Variants in SLC44A5 observed in about 807,000 individuals in gnomAD.
SLC44A5 encodes choline transporter-like protein 5.
A neutral mutation model predicts 101.8 loss-of-function variants in SLC44A5; 57 were observed. That is an observed-to-expected ratio of 0.56 (90% CI 0.45 to 0.70). The LOEUF (loss-of-function observed/expected upper bound fraction) is 0.70. Among genes scored for constraint, SLC44A5 ranks in the 30% least tolerant of loss-of-function variants. The pLI, the probability that SLC44A5 is intolerant of heterozygous loss-of-function variation, is 0.00. For synonymous variants in SLC44A5, 281 were observed against 290.9 expected (o/e 0.97, Z 0.35); for missense variants, 737 against 853.1 (o/e 0.86, Z 1.70).
At chr1:75,293,800 T>A (rs1653755529) in intron 5 of SLC44A5, among the ~76,000 whole-genome samples, 1 of 152,154 alleles carries the variant, frequency 6.6e-6, no homozygotes, top group African/African-American at 2.4e-5. Context: ...CTTAAAATCA[T>A]CTACCATGAA....
At chr1:75,216,312 G>A (rs1456318444) in intron 18 of SLC44A5, among the ~76,000 whole-genome samples, 1 of 151,936 alleles carries the variant, frequency 6.6e-6, no homozygotes, top group African/African-American at 2.4e-5. Flanking sequence ...ATATTTGATT[G>A]TGTGTACATA....
At chr1:75,695,364 G>A in the SLC44A5 span, among the ~76,000 whole-genome samples, 1 of 152,276 alleles carries the variant, frequency 6.6e-6, no homozygotes, top group East Asian at 1.9e-4. Flanking sequence ...ACGCCAAGTA[G>A]ACTTTTATTT....
intron 1 of SLC44A5, among the ~76,000 whole-genome samples, chr1:75,594,419 C>A (rs1424454536): frequency 6.6e-6 from 1 of 151,922 alleles, no homozygotes; most frequent in Non-Finnish European, 1.5e-5. Context: ...GATTGAATTA[C>A]CCCATTTTGT....
chr1:75,496,816 GC>G lies in SLC44A5; in HGVS notation c.13+44618del, dbSNP rs1668701209. Among the ~76,000 whole-genome samples the G allele has an allele frequency of 2.0e-5, 3 of 151,866 alleles. No homozygotes were observed. The South Asian group carries it at 6.2e-4, about 31-fold the overall frequency. ...ACAAATAGCCCAATTAAAAATATGG[GC>G]AAAGGACTTAAATAAAAATTTTTCC... is the stretch of plus-strand genomic sequence containing the variant. On this transcript the variant is annotated intron_variant, in intron 2 of 23. Transcript: ENST00000370859.
At chr1:75,578,098 C>A (rs551194470) in intron 1 of SLC44A5, among the ~76,000 whole-genome samples, 1 of 152,068 alleles carries the variant, frequency 6.6e-6, no homozygotes. Context: ...TTTTTAATAG[C>A]TTTTAAATAA....
At chr1:75,672,434 C>A in the SLC44A5 span, among the ~76,000 whole-genome samples, 1 of 152,044 alleles carries the variant, frequency 6.6e-6, no homozygotes, top group African/African-American at 2.4e-5. Context: ...AATTATCCAT[C>A]CCAACAGCAA....
chr1:75,250,444 A>G (rs1287312986), intron 7 of SLC44A5, among the ~76,000 whole-genome samples: 1 of 152,176 alleles, frequency 6.6e-6, no homozygotes, highest in Non-Finnish European at 1.5e-5. Context: ...GCTATTGTGA[A>G]TAGTGCTGCA....
At chr1:75,322,768 A>G (rs1355029476) in intron 4 of SLC44A5, among the ~76,000 whole-genome samples, 1 of 152,176 alleles carries the variant, frequency 6.6e-6, no homozygotes, top group African/African-American at 2.4e-5. Context: ...GTACTTGAAA[A>G]TGATTTTGGA....
chr1:75,691,191 G>A, the SLC44A5 span, among the ~76,000 whole-genome samples: 2 of 152,196 alleles, frequency 1.3e-5, no homozygotes, highest in East Asian at 3.9e-4. Context: ...CAGGGTCAAG[G>A]TCCCACCAGC....
chr1:75,385,827 G>A (rs1044672979), intron 3 of SLC44A5, among the ~76,000 whole-genome samples: 16 of 151,790 alleles, frequency 1.1e-4, no homozygotes, highest in Admixed American at 5.9e-4. Context: ...CTGGCAAAAC[G>A]AATCCAGCAG....
At chr1:75,385,747 C>T (rs1189629063) in intron 3 of SLC44A5, among the ~76,000 whole-genome samples, 1 of 152,086 alleles carries the variant, frequency 6.6e-6, no homozygotes, top group African/African-American at 2.4e-5. Flanking sequence ...CGGGCAGAGA[C>T]ACCACCAAAA....
chr1:75,266,629 G>C (rs1016578697), intron 6 of SLC44A5, among the ~76,000 whole-genome samples: 2 of 152,192 alleles, frequency 1.3e-5, no homozygotes, highest in African/African-American at 2.4e-5. Context: ...CAGTGTTGTT[G>C]AGGACCTGAT....
intron 2 of SLC44A5, among the ~76,000 whole-genome samples, chr1:75,454,840 T>C (rs1043333402): frequency 2.6e-5 from 4 of 151,918 alleles, no homozygotes; most frequent in Non-Finnish European, 5.9e-5. Context: ...TGGTTAAAGA[T>C]CTCTACAAGG....
chr1:75,521,893 T>C (rs1670149812), intron 2 of SLC44A5: 1 of 152,994 alleles, frequency 6.5e-6, no homozygotes, highest in Non-Finnish European at 1.5e-5. Flanking sequence ...AGTGTACAAG[T>C]CATCAGGGGC....
At chr1:75,680,073 A>G in the SLC44A5 span, among the ~76,000 whole-genome samples, 2 of 152,254 alleles carry the variant, frequency 1.3e-5, no homozygotes, top group Admixed American at 1.3e-4. Flanking sequence ...TATCCTAAAT[A>G]TACATGCACC....
chr1:75,299,868 T>C lies in SLC44A5; in HGVS notation c.175+744A>G, dbSNP rs552173711. Among the ~76,000 whole-genome samples the C allele has an allele frequency of 1.1e-3, 162 of 150,786 alleles. 1 individual carries two copies. Among genetic ancestry groups the C allele is most frequent in the African/African-American group, 3.7e-3 (153 of 41,026 alleles). On this transcript the variant is annotated intron_variant, in intron 5 of 23. Transcript: ENST00000370859. ...TACTAAAAAAAAAAAATACAAAAAT[T>C]AGCTGGGCATGGTAGTGCATGCCTG...
At chr1:75,223,563 A>C (rs1450223154) in intron 13 of SLC44A5, among the ~76,000 whole-genome samples, 1 of 152,230 alleles carries the variant, frequency 6.6e-6, no homozygotes, top group African/African-American at 2.4e-5. Flanking sequence ...TGTTCAAGGA[A>C]CTTAATGGAA....
chr1:75,275,916 C>T (rs1651879590), intron 5 of SLC44A5, among the ~76,000 whole-genome samples: 1 of 152,222 alleles, frequency 6.6e-6, no homozygotes, highest in South Asian at 2.1e-4. Flanking sequence ...TTGTCCTTTG[C>T]TTCCTTTAAC....
intron 1 of SLC44A5, among the ~76,000 whole-genome samples, chr1:75,550,518 C>T (rs183858592): frequency 1.3e-5 from 2 of 152,050 alleles, no homozygotes; most frequent in African/African-American, 4.8e-5. Context: ...TCATTGTACA[C>T]TTCTAAAATG....
Sources: allele counts gnomAD v4.1 joint callset (sites outside exome capture counted in the v4.1 genomes callset), GRCh38; gene constraint gnomAD v4.1.1; transcripts MANE v1.5; gene names NCBI Gene and HGNC (gene_info 2026-07-23, HGNC 2026-07-21).